The following DMD variants were observed in gnomAD, a reference collection of about 807,000 sequenced individuals.
DMD encodes dystrophin.
DMD carries 63 observed loss-of-function variants against 330.1 expected under a neutral mutation model. The ratio of observed to expected loss-of-function variants is 0.19; its 90% CI spans 0.16 to 0.24. DMD has a LOEUF of 0.24. Among genes scored for constraint, DMD ranks in the 10% least tolerant of loss-of-function variants. The pLI is 1.00. For synonymous variants in DMD, 1,223 were observed against 959.8 expected, an observed-to-expected ratio of 1.27 and a Z score of -5.07; for missense variants, 3,344 against 2,684.1, an observed-to-expected ratio of 1.25 and a Z score of -5.43.
At chrX:33,105,486 C>A (rs2095277860) in intron 1 of DMD, among the ~76,000 whole-genome samples, 1 of 112,061 alleles carries the variant, frequency 8.9e-6, no homozygotes, top group Non-Finnish European at 1.9e-5. Flanking sequence ...TCAACGTAAA[C>A]AGAAAACCGA....
chrX:31,421,918 T>G (rs1391753149), intron 60 of DMD, among the ~76,000 whole-genome samples: 1 of 79,195 alleles, frequency 1.3e-5, no homozygotes, highest in Non-Finnish European at 2.1e-5. Flanking sequence ...CACACACATA[T>G]ATATATATAT....
chrX:32,715,944 C>A (rs1280449123), intron 7 of DMD, among the ~76,000 whole-genome samples: 1 of 111,675 alleles, frequency 9.0e-6, no homozygotes, highest in Non-Finnish European at 1.9e-5. Context: ...AGTAACTATG[C>A]TGAGTATCAT....
intron 44 of DMD, among the ~76,000 whole-genome samples, chrX:32,205,006 CACA>C (rs1248883453): frequency 0.013 from 245 of 18,449 alleles, 1 homozygote; most frequent in Non-Finnish European, 0.026. Flanking sequence ...CTCTCTCTCT[CACA>C]TACACACACA....
intron 7 of DMD, among the ~76,000 whole-genome samples, chrX:32,790,445 T>C (rs1414960064): frequency 1.8e-5 from 2 of 111,619 alleles, no homozygotes; most frequent in Admixed American, 9.5e-5. Flanking sequence ...TGCAAAGGCA[T>C]TGCTTCACGG....
intron 1 of DMD, among the ~76,000 whole-genome samples, chrX:33,237,526 C>T (rs1050778364): frequency 9.0e-6 from 1 of 111,100 alleles, no homozygotes; most frequent in South Asian, 3.8e-4. Context: ...ATTACAGGCA[C>T]GAGCCACAGT....
At chrX:31,343,830 G>C (rs770853594) in intron 61 of DMD, among the ~76,000 whole-genome samples, 15 of 110,006 alleles carry the variant, frequency 1.4e-4, no homozygotes, top group African/African-American at 5.0e-4. Context: ...ATCAACTCAG[G>C]CCTGTCTAAA....
chrX:33,241,854 T>C (rs1455308501), intron 1 of DMD, among the ~76,000 whole-genome samples: 2 of 111,050 alleles, frequency 1.8e-5, no homozygotes, highest in Non-Finnish European at 3.8e-5. Flanking sequence ...CTCTGCCTCC[T>C]GGATTCCAGC....
rs1357019895 is a variant in DMD, at chrX:32,787,245, TGTGAGA to T, written c.649+22242_649+22247del. 7.3e-3 allele frequency among the ~76,000 whole-genome samples: 590 copies of T among 81,371 alleles called. 1 individual carries two copies. Among genetic ancestry groups the T allele is most frequent in the African/African-American group, 0.02 (450 of 22,854 alleles). 70.7% of individuals were successfully genotyped at this position (81,371 alleles called of 115,157 possible). A position where few individuals can be genotyped will look rare whatever the true frequency, so the allele number is the denominator to read the frequency against. On this transcript the variant is annotated intron_variant, in intron 7 of 78. Coordinates refer to ENST00000357033, the MANE Select transcript of DMD (RefSeq NM_004006.3). ...GTGTGTGTGTGTGTGTGTGTGTGTG[TGTGAGA>T]GAGAGAGAGAGAGAGAGAGAGAAAG...
At chrX:31,950,927 C>A (rs2095153514) in intron 45 of DMD, among the ~76,000 whole-genome samples, 3 of 106,125 alleles carry the variant, frequency 2.8e-5, no homozygotes, top group African/African-American at 1.0e-4. Flanking sequence ...TGTCTGAAAT[C>A]TCTGCCTATA....
chrX:31,882,398 T>A (rs369148695), intron 47 of DMD, among the ~76,000 whole-genome samples: 1 of 111,569 alleles, frequency 9.0e-6, no homozygotes, highest in Non-Finnish European at 1.9e-5. Context: ...AAATTCTAGA[T>A]TGTTTGCAGA....
chrX:32,071,736 A>G (rs1165731056), intron 44 of DMD, among the ~76,000 whole-genome samples: 1 of 111,634 alleles, frequency 9.0e-6, no homozygotes, highest in Non-Finnish European at 1.9e-5. Context: ...AATAATTTAC[A>G]GAAAAATAAA....
chrX:32,721,120 G>A (rs1345195224), intron 7 of DMD, among the ~76,000 whole-genome samples: 1 of 110,706 alleles, frequency 9.0e-6, no homozygotes. Context: ...GGACACTCAG[G>A]TTATTTTCAT....
chrX:31,341,881 G>T (rs765433149), intron 61 of DMD, among the ~76,000 whole-genome samples: 1 of 59,605 alleles, frequency 1.7e-5, no homozygotes, highest in South Asian at 7.8e-4. Flanking sequence ...GCGCGCGTGC[G>T]TGCGCGCGCG....
intron 44 of DMD, among the ~76,000 whole-genome samples, chrX:31,990,228 A>C (rs930674191): frequency 2.7e-5 from 3 of 112,392 alleles, no homozygotes; most frequent in African/African-American, 9.7e-5. Context: ...CTTTTTTTCA[A>C]CTAAACACTT....
intron 7 of DMD, among the ~76,000 whole-genome samples, chrX:32,779,262 A>T (rs1045580841): frequency 9.6e-6 from 1 of 104,668 alleles, no homozygotes; most frequent in Non-Finnish European, 1.9e-5. Context: ...CTGCACACAC[A>T]CAGAGAGTCA....
At chrX:32,115,180 G>A (rs1235140293) in intron 44 of DMD, among the ~76,000 whole-genome samples, 1 of 110,946 alleles carries the variant, frequency 9.0e-6, no homozygotes, top group Admixed American at 9.6e-5. Flanking sequence ...CCTCCTAGAA[G>A]ACTTCATCCA....
At chrX:31,845,375 GTCTCTCTCTCTCTCTCTCTCTCTC>G (rs535397626) in intron 48 of DMD, among the ~76,000 whole-genome samples, 8 of 60,096 alleles carry the variant, frequency 1.3e-4, no homozygotes, top group African/African-American at 3.9e-4. Context: ...ACAGAATAAA[GTCTCTCTCTCTCTCTCTCTCTCTC>G]TCTCTCTCTC....
chrX:31,604,415 C>T (rs2077512635), intron 55 of DMD, among the ~76,000 whole-genome samples: 1 of 111,337 alleles, frequency 9.0e-6, no homozygotes, highest in Admixed American at 9.6e-5. Context: ...GTAGTTCCAA[C>T]CTTCAAGAGA....
At chrX:31,707,486 G>A (rs2084286466) in intron 52 of DMD, among the ~76,000 whole-genome samples, 1 of 110,668 alleles carries the variant, frequency 9.0e-6, no homozygotes, top group Non-Finnish European at 1.9e-5. Flanking sequence ...AGGGAGGGGA[G>A]TGGGTTAAAA....
Sources: gnomAD v4.1 joint callset for allele counts (sites outside exome capture counted in the v4.1 genomes callset) on GRCh38, gnomAD v4.1.1 for gene constraint, MANE v1.5 for transcripts, NCBI Gene and HGNC (gene_info 2026-07-23, HGNC 2026-07-21) for gene names.